The following CCDC97 variants were observed in gnomAD, a reference collection of about 807,000 sequenced individuals.
CCDC97 encodes coiled-coil domain containing 97.
Under a neutral mutation model 33.9 loss-of-function variants are expected in CCDC97, and 27 were observed. That is an observed-to-expected ratio of 0.80 (90% CI 0.59 to 1.10). The LOEUF (loss-of-function observed/expected upper bound fraction) is 1.10. Ranked by LOEUF, CCDC97 falls within the 50% of genes least tolerant of loss-of-function variation. The pLI is 0.00. For synonymous variants in CCDC97, 217 were observed against 194.0 expected, an observed-to-expected ratio of 1.12 and a Z score of -0.99; for missense variants, 422 against 476.6, an observed-to-expected ratio of 0.89 and a Z score of 1.07.
At chr19:41,312,168 C>T (rs911727727) in intron 1 of CCDC97, among the ~76,000 whole-genome samples, 7 of 152,206 alleles carry the variant, frequency 4.6e-5, no homozygotes, top group African/African-American at 1.4e-4. Flanking sequence ...ACTGCAACCT[C>T]CACCTCCCAG....
intron 4 of CCDC97, 105 bp from the exon 5 acceptor site, chr19:41,322,490 G>A (rs2037834051): frequency 8.6e-6 from 11 of 1,282,780 alleles, no homozygotes; most frequent in Middle Eastern, 1.9e-4. Context: ...CAGCTCTGAC[G>A]GCTGCCAGCA....
At position 41,321,901 on chromosome 19, in the gene CCDC97, G is replaced by A. The variant is rs80046513; in HGVS notation, c.912-694G>A. ...GCCTTAGGGCATGGGCAGCTGTCCT[G>A]CCTGTGGTCAGCTCTGGCTAATCCC... On this transcript the variant is annotated intron_variant, in intron 4 of 4. Coordinates refer to ENST00000269967, the MANE Select transcript of CCDC97 (RefSeq NM_052848.3). Among the ~76,000 whole-genome samples the A allele has an allele frequency of 5.9e-3, 905 of 152,312 alleles. 1 individual carries two copies. Among genetic ancestry groups the A allele is most frequent in the Non-Finnish European group, 9.7e-3 (661 of 68,020 alleles).
rs2037663487 is a variant in CCDC97 at position 41,310,233 on chromosome 19, A to G, written c.-78A>G. On this transcript the variant is annotated 5_prime_UTR_variant, in exon 1 of 5. Transcript: ENST00000269967. ...CCCGGACCCGGAACATTCTCAGGCG[A>G]AAGTGTCTCTTGCGTGCGTGGGCCG... The G allele has an allele frequency of 2.6e-6, 4 of 1,542,692 alleles. No homozygotes were observed. Among genetic ancestry groups the G allele is most frequent in the East Asian group, 2.4e-5 (1 of 41,034 alleles).
rs377111574 is a variant in CCDC97 at position 41,320,454 on chromosome 19, G to A, written c.895G>A (p.Gly299Arg). ...MHQRFLDGKDGDFDYSTVDDN... is the reference protein window; with the variant it reads ...MHQRFLDGKDRDFDYSTVDDN... Reference sequence around the variant, plus strand: ...CCAGCGCTTCCTAGATGGCAAGGACGGGGACTTTGACTACAGGTGCTCCTG... The same window carrying A: ...CCAGCGCTTCCTAGATGGCAAGGACAGGGACTTTGACTACAGGTGCTCCTG... Residue 299 changes from glycine (G) to arginine (R), a missense_variant, in exon 4 of 5, where the codon GGG becomes AGG. By Grantham distance (125) the Gly-to-Arg change is moderately radical (BLOSUM62 -2). Coordinates refer to ENST00000269967, the MANE Select transcript of CCDC97 (RefSeq NM_052848.3). 7.4e-6 allele frequency: 12 copies of A among 1,613,976 alleles called. No homozygotes were observed. Among genetic ancestry groups the A allele is most frequent in the African/African-American group, 6.7e-5 (5 of 75,034 alleles).
rs1221387926 is a variant in CCDC97, at chr19:41,322,901, C to T, written c.*186C>T. 5 of 518,212 alleles carry T rather than the reference C, an allele frequency of 9.6e-6. No individual in the cohort carries two copies. Among genetic ancestry groups the T allele is most frequent in the South Asian group, 2.7e-5 (1 of 36,958 alleles). 32.1% of individuals were successfully genotyped at this position (518,212 alleles called of 1,614,324 possible). A position where few individuals can be genotyped will look rare whatever the true frequency, so the allele number is the denominator to read the frequency against. On this transcript the variant is annotated 3_prime_UTR_variant, in exon 5 of 5. Coordinates refer to ENST00000269967, the MANE Select transcript of CCDC97 (RefSeq NM_052848.3). ...CCCACCCCCACTGTTTCTGGGGTTC[C>T]CTTTCTCATCTCTCCCACCCTGTCT... is the stretch of plus-strand genomic sequence containing the variant.
chr19:41,317,731 CAG>C (rs2037766237), intron 2 of CCDC97, among the ~76,000 whole-genome samples: 1 of 143,516 alleles, frequency 7.0e-6, no homozygotes, highest in African/African-American at 2.6e-5. Flanking sequence ...AAAAAAAACA[CAG>C]ATGTGGAAAT....
In CCDC97 at chr19:41,310,227, C is replaced by T. The variant is rs1599869852; in HGVS notation, c.-84C>T. ...GGTGCACCCGGACCCGGAACATTCT[C>T]AGGCGAAAGTGTCTCTTGCGTGCGT... On this transcript the variant is annotated 5_prime_UTR_variant, in exon 1 of 5. Coordinates refer to ENST00000269967, the MANE Select transcript of CCDC97 (RefSeq NM_052848.3). 1 of 1,535,806 alleles carries T rather than the reference C, an allele frequency of 6.5e-7. No homozygotes were observed.
intron 1 of CCDC97, among the ~76,000 whole-genome samples, chr19:41,311,772 T>C (rs2037688292): frequency 6.6e-6 from 1 of 151,454 alleles, no homozygotes; most frequent in African/African-American, 2.4e-5. Flanking sequence ...GATGGTGCAT[T>C]CCTGTGGTCC....
intron 1 of CCDC97, among the ~76,000 whole-genome samples, chr19:41,313,040 G>A (rs139538617): frequency 0.019 from 2,819 of 152,178 alleles, 73 homozygotes; most frequent in African/African-American, 0.061. Flanking sequence ...CCAAAGTGCT[G>A]GGATTACAGG....
intron 1 of CCDC97, chr19:41,311,040 T>C: frequency 4.7e-6 from 1 of 214,410 alleles, no homozygotes; most frequent in Non-Finnish European, 8.0e-6. Flanking sequence ...GTCGTTGTAC[T>C]TTCTACTTTT....
chr19:41,315,841 C>T (rs2037739765), intron 1 of CCDC97, among the ~76,000 whole-genome samples: 1 of 151,886 alleles, frequency 6.6e-6, no homozygotes, highest in African/African-American at 2.4e-5. Context: ...ACCTTTAATG[C>T]CCAGCACTTT....
rs201143753 is a variant in CCDC97, at chr19:41,310,325, G to C, written c.15G>C (p.Ala5=). Residue 5 remains alanine (A), a synonymous_variant, in exon 1 of 5, where the codon GCG becomes GCC. Coordinates refer to ENST00000269967, the MANE Select transcript of CCDC97 (RefSeq NM_052848.3). MEAV[A]TATAAKEPDK... is the part of the protein sequence containing the mutation. The stretch of plus-strand genomic sequence containing the variant: ...AGAGAATCAGGATGGAGGCCGTGGC[G>C]ACGGCGACGGCGGCGAAGGAACCCG... 11 of 1,605,822 alleles carry C rather than the reference G, an allele frequency of 6.9e-6. No homozygotes were observed. Among genetic ancestry groups the C allele is most frequent in the Non-Finnish European group, 8.5e-6 (10 of 1,176,542 alleles).
Position 41,316,713 on chromosome 19 carries a change from G to A in CCDC97, c.376G>A (p.Val126Met), listed in dbSNP as rs375014029. Reference protein sequence around the residue: ...REEHLACFGHVRGDHRADFYC... With the variant: ...REEHLACFGHMRGDHRADFYC... The stretch of plus-strand genomic sequence containing the variant: ...GGAGCATCTGGCCTGCTTTGGCCAC[G>A]TGCGTGGCGACCACCGTGCAGACTT... Residue 126 changes from valine (V) to methionine (M), a missense_variant, in exon 2 of 5, where the codon GTG (valine) becomes ATG (methionine). Transcript: ENST00000269967. The A allele has an allele frequency of 1.1e-5, 17 of 1,613,518 alleles. No homozygotes were observed. The highest frequency in any genetic ancestry group is 2.7e-5 in the African/African-American group (2 of 74,854).
chr19:41,319,594 G>A lies in CCDC97; in HGVS notation c.523G>A (p.Glu175Lys), dbSNP rs1177096735. 1.9e-6 allele frequency: 3 copies of A among 1,608,252 alleles called. No individual in the cohort carries two copies. The highest frequency in any genetic ancestry group is 1.7e-5 in the Admixed American group (1 of 59,672). Residue 175 changes from glutamate (E) to lysine (K), a missense_variant, in exon 3 of 5, where the codon GAG (glutamate) becomes AAG (lysine). Glu to Lys is a moderately conservative substitution (Grantham distance 56). Coordinates refer to ENST00000269967, the MANE Select transcript of CCDC97 (RefSeq NM_052848.3). The stretch of plus-strand genomic sequence containing the variant: ...TGCAGGGGGCGAGTACTTCAGTGAT[G>A]AGCAGATGCGGTTCCGGGCCCCCCT... The part of the protein sequence containing the change: ...LIQGGEYFSD[E>K]QMRFRAPLLY...
intron 1 of CCDC97, among the ~76,000 whole-genome samples, chr19:41,311,954 T>C (rs763444438): frequency 6.6e-6 from 1 of 152,212 alleles, no homozygotes; most frequent in Non-Finnish European, 1.5e-5. Context: ...CAGAGAGTCA[T>C]GTATACTTGG....
chr19:41,313,340 G>A (rs901828856), intron 1 of CCDC97, among the ~76,000 whole-genome samples: 12 of 152,100 alleles, frequency 7.9e-5, no homozygotes, highest in Admixed American at 2.0e-4. Flanking sequence ...CTGGAGGCCC[G>A]TGTAGCAGCA....
At chr19:41,317,620 G>C (rs1166113932) in intron 2 of CCDC97, among the ~76,000 whole-genome samples, 2 of 151,660 alleles carry the variant, frequency 1.3e-5, no homozygotes, top group African/African-American at 4.9e-5. Flanking sequence ...GCTGAGGTGG[G>C]AGAATTGCTT....
Position 41,310,270 on chromosome 19 carries a change from G to T in CCDC97, c.-41G>T. ...GCGTGCGTGGGCCGGAGGTTAGTGT[G>T]CGGGGCCCGCCGGGCGGTTGAAAAG... On this transcript the variant is annotated 5_prime_UTR_variant, in exon 1 of 5. Transcript: ENST00000269967. The T allele has an allele frequency of 1.3e-6, 2 of 1,574,122 alleles. No homozygotes were observed. Among genetic ancestry groups the T allele is most frequent in the African/African-American group, 1.3e-5 (1 of 74,148 alleles).
chr19:41,321,061 G>A (rs973167836), intron 4 of CCDC97, among the ~76,000 whole-genome samples: 1 of 152,228 alleles, frequency 6.6e-6, no homozygotes, highest in Non-Finnish European at 1.5e-5. Flanking sequence ...CAGCAGCAGA[G>A]GACCCTCCTT....
Sources: allele counts gnomAD v4.1 joint callset (sites outside exome capture counted in the v4.1 genomes callset), GRCh38; gene constraint gnomAD v4.1.1; transcripts MANE v1.5; gene names NCBI Gene and HGNC (gene_info 2026-07-23, HGNC 2026-07-21).